ADGRE3: variants seen among roughly 807,000 people sequenced by gnomAD.
The protein encoded by ADGRE3 is adhesion G protein-coupled receptor E3.
Under a neutral mutation model 80.1 loss-of-function variants are expected in ADGRE3, and 88 were observed. The observed-to-expected ratio is 1.10, with a 90% CI of 0.93 to 1.31. The LOEUF is 1.31. ADGRE3 is among the 40% of genes most tolerant of loss of function. The pLI, the probability that ADGRE3 is intolerant of heterozygous loss-of-function variation, is 0.00. For synonymous variants in ADGRE3, 281 were observed against 294.8 expected (o/e 0.95, Z 0.48); for missense variants, 715 against 776.5 (o/e 0.92, Z 0.94).
chr19:14,638,968 CAT>C (rs1400688587), intron 10 of ADGRE3, among the ~76,000 whole-genome samples: 2 of 151,990 alleles, frequency 1.3e-5, no homozygotes, highest in African/African-American at 4.8e-5. Flanking sequence ...GTGGCACAAT[CAT>C]AGCTCACTGC....
chr19:14,623,574 C>G (rs1009103957), intron 15 of ADGRE3, among the ~76,000 whole-genome samples: 1 of 152,160 alleles, frequency 6.6e-6, no homozygotes. Context: ...TGTCCTCCCC[C>G]AGAAAGGTCC....
chr19:14,602,002 C>G, the ADGRE3 span, among the ~76,000 whole-genome samples: 2 of 152,010 alleles, frequency 1.3e-5, no homozygotes, highest in African/African-American at 4.8e-5. Context: ...CTGTGTTAGC[C>G]AGGATGGTCT....
In ADGRE3 at chr19:14,638,105, C is replaced by A; in HGVS notation, c.1484G>T (p.Arg495Leu). 3 of 1,610,840 alleles carry A rather than the reference C, an allele frequency of 1.9e-6. No individual in the cohort carries two copies. The highest frequency in any genetic ancestry group is 1.7e-6 in the Non-Finnish European group (2 of 1,177,070). ...GACACAAGGTGGGATTCAAGCTCAC[C>A]GATCAGCAGTTCCATAAAGGTGAGG... ...SWPHLYGTADRCWLHLDQGFM... is the reference protein window; with the variant it reads ...SWPHLYGTADLCWLHLDQGFM... Residue 495 changes from arginine to leucine, a missense_variant and splice_region_variant, in exon 11 of 16, where the codon CGA (arginine) becomes CTA (leucine). Coordinates refer to ENST00000253673, the MANE Select transcript of ADGRE3 (RefSeq NM_032571.5).
At chr19:14,637,393 C>CT (rs34233724) in intron 11 of ADGRE3, among the ~76,000 whole-genome samples, 2,302 of 127,570 alleles carry the variant, frequency 0.018, 33 homozygotes, top group African/African-American at 0.025. Flanking sequence ...TTTTTAAGCT[C>CT]TTTTTTTTTT....
At position 14,625,577 on chromosome 19, in the gene ADGRE3, C is replaced by T. The variant is rs757002547; in HGVS notation, c.1835G>A (p.Trp612Ter). Reference sequence around the variant, plus strand: ...TTTTGATTTTACGATCTCTCTAAACCACTTTTGATATTGTTTCTGGACCTG... The same window carrying T: ...TTTTGATTTTACGATCTCTCTAAACTACTTTTGATATTGTTTCTGGACCTG... Reference protein sequence around the residue: ...SQQVQKQYQKWFREIVKSKSE... With the variant: ...SQQVQKQYQK Residue 612 changes from tryptophan (W) to a stop codon, truncating the protein, a stop_gained, in exon 15 of 16, where the codon TGG becomes TAG. Coordinates refer to ENST00000253673, the MANE Select transcript of ADGRE3 (RefSeq NM_032571.5). LOFTEE classifies it high-confidence loss of function. 1.2e-6 allele frequency: 2 copies of T among 1,612,950 alleles called. No homozygotes were observed. The highest frequency in any genetic ancestry group is 1.7e-5 in the Admixed American group (1 of 59,952).
intron 11 of ADGRE3, among the ~76,000 whole-genome samples, chr19:14,634,666 T>A (rs1818935103): frequency 6.6e-6 from 1 of 152,162 alleles, no homozygotes; most frequent in Non-Finnish European, 1.5e-5. Context: ...TATTCTCATC[T>A]CGCTAATGAG....
chr19:14,671,889 G>A (rs1461119720), intron 1 of ADGRE3, among the ~76,000 whole-genome samples: 1 of 151,968 alleles, frequency 6.6e-6, no homozygotes, highest in East Asian at 1.9e-4. Flanking sequence ...TGGGCTACAT[G>A]CATGAGATAC....
At chr19:14,627,567 C>T (rs774747460) in intron 14 of ADGRE3, among the ~76,000 whole-genome samples, 12 of 151,944 alleles carry the variant, frequency 7.9e-5, no homozygotes, top group Middle Eastern at 3.4e-3. Context: ...TTAGTAGAGA[C>T]GGGCTTTCAC....
intron 6 of ADGRE3, among the ~76,000 whole-genome samples, chr19:14,653,285 T>C (rs1971658269): frequency 6.6e-6 from 1 of 152,058 alleles, no homozygotes; most frequent in Non-Finnish European, 1.5e-5. Context: ...CCCACAATGT[T>C]AATTTCATCA....
intron 9 of ADGRE3, among the ~76,000 whole-genome samples, chr19:14,642,079 G>A (rs1368296499): frequency 2.0e-5 from 3 of 152,164 alleles, no homozygotes; most frequent in Admixed American, 6.5e-5. Flanking sequence ...AAGAGTTTCA[G>A]TATTGCAAGA....
the ADGRE3 span, among the ~76,000 whole-genome samples, chr19:14,605,937 A>G: frequency 6.6e-6 from 1 of 152,062 alleles, no homozygotes. Context: ...ATGGGGTCTC[A>G]GTATGTTGCC....
chr19:14,649,366 C>T (rs1043237253), intron 7 of ADGRE3, among the ~76,000 whole-genome samples: 38 of 150,622 alleles, frequency 2.5e-4, no homozygotes, highest in African/African-American at 9.3e-4. Flanking sequence ...CTCTCCCCAT[C>T]TCTCTTTCCA....
the ADGRE3 span, chr19:14,611,009 T>C: frequency 6.6e-6 from 1 of 151,824 alleles, no homozygotes; most frequent in African/African-American, 2.4e-5. Flanking sequence ...CCTTTTTTTT[T>C]TTTTTCCAAA....
At chr19:14,648,014 G>A (rs1039548999) in intron 7 of ADGRE3, among the ~76,000 whole-genome samples, 4 of 148,986 alleles carry the variant, frequency 2.7e-5, no homozygotes, top group East Asian at 4.0e-4. Context: ...CCCAAGAGGC[G>A]GAGGCTGAAG....
At chr19:14,661,813 T>C (rs4328571) in intron 4 of ADGRE3, 150 bp downstream of exon 4, 214,082 of 716,748 alleles carry the variant, frequency 0.3, 32,896 homozygotes, top group Middle Eastern at 0.43. Context: ...GACAGGAGAA[T>C]CGCTTGAGCC....
chr19:14,654,938 G>T, intron 6 of ADGRE3, 44 bp downstream of exon 6: 1 of 1,516,942 alleles, frequency 6.6e-7, no homozygotes, highest in South Asian at 1.2e-5. Context: ...GATCCCAGCT[G>T]CTAACCAGTC....
Position 14,647,274 on chromosome 19 carries a change from C to T in ADGRE3, c.789G>A (p.Val263=). 6.2e-7 allele frequency: 1 copy of T among 1,613,308 alleles called. No individual in the cohort carries two copies. Among genetic ancestry groups the T allele is most frequent in the Non-Finnish European group, 8.5e-7 (1 of 1,179,256 alleles). The change falls in exon 8 of 16, where the codon GTG becomes GTA. Residue 263 remains valine (V), a synonymous_variant. Transcript: ENST00000253673. ...CACTCACAACCTGAGAGTTCAGATACACTTGATCTTTCTTATCCATCTCTT... is the reference window on the plus strand; with the variant it reads ...CACTCACAACCTGAGAGTTCAGATATACTTGATCTTTCTTATCCATCTCTT... ...FFEEMDKKDQ[V]YLNSQVVSAA...
intron 4 of ADGRE3, among the ~76,000 whole-genome samples, chr19:14,659,647 C>A (rs139225411): frequency 6.6e-6 from 1 of 151,296 alleles, no homozygotes; most frequent in African/African-American, 2.4e-5. Context: ...ATGGCAAAAC[C>A]CTGTCTCTAC....
chr19:14,610,294 A>G, the ADGRE3 span: 2 of 1,481,582 alleles, frequency 1.3e-6, no homozygotes, highest in Non-Finnish European at 1.8e-6. Flanking sequence ...GTGAGTGGAC[A>G]CACAGATGTG....
Sources: allele counts gnomAD v4.1 joint callset (sites outside exome capture counted in the v4.1 genomes callset), GRCh38; gene constraint gnomAD v4.1.1; transcripts MANE v1.5; gene names NCBI Gene and HGNC (gene_info 2026-07-23, HGNC 2026-07-21).